TCIRG1: variants seen among roughly 807,000 people sequenced by gnomAD.
The protein encoded by TCIRG1 is T cell immune regulator 1, ATPase H+ transporting V0 subunit a3.
TCIRG1 carries 86 observed loss-of-function variants against 95.5 expected under a neutral mutation model. The observed-to-expected ratio is 0.90, with a 90% CI of 0.76 to 1.08. TCIRG1 has a LOEUF of 1.08. TCIRG1 is among the 50% of genes least tolerant of loss of function. The pLI is 0.00. For synonymous variants in TCIRG1, 499 were observed against 501.3 expected, an observed-to-expected ratio of 1.00 and a Z score of 0.06; for missense variants, 1,069 against 1,140.2, an observed-to-expected ratio of 0.94 and a Z score of 0.90.
At chr11:68,043,945 G>T in intron 8 of TCIRG1, 38 bp downstream of exon 8, 1 of 1,496,382 alleles carries the variant, frequency 6.7e-7, no homozygotes, top group Non-Finnish European at 9.0e-7. Context: ...GGTGTAGGAG[G>T]TGGGTGCCCC....
chr11:68,044,342 TCG>T lies in TCIRG1; in HGVS notation c.1019_1020del (p.Ser340TyrfsTer149). 1 of 1,579,158 alleles carries T rather than the reference TCG, an allele frequency of 6.3e-7. No individual in the cohort carries two copies. The highest frequency in any genetic ancestry group is 2.3e-5 in the East Asian group (1 of 43,538). Reference sequence around the variant, plus strand: ...CCTGCAGGAGGCCCTGCGGGACAGCTCGGTGAGCAGCCTGAGGCCTCGCCCCC... The same window carrying T: ...CCTGCAGGAGGCCCTGCGGGACAGCTGTGAGCAGCCTGAGGCCTCGCCCCC... ...PALQEALRDS[S>X]MEEGVSAVAH... On this transcript the variant is annotated frameshift_variant and splice_region_variant, in exon 9 of 20. Transcript: ENST00000265686. LOFTEE classifies it high-confidence loss of function.
In TCIRG1 at chr11:68,045,099, C is replaced by T. The variant is rs746538370; in HGVS notation, c.1162C>T (p.Pro388Ser). Reference protein sequence around the residue: ...YGVGRYQEVNPAPYTIITFPF... With the variant: ...YGVGRYQEVNSAPYTIITFPF... ...CGTGGGCCGCTACCAGGAGGTCAAC[C>T]CCGGTGAGAGCCACGGCATCCTTAC... The change falls in exon 10 of 20, where the codon CCC becomes TCC. Residue 388 changes from proline to serine, a missense_variant. Physicochemically the swap from Pro to Ser is moderately conservative, Grantham distance 74. Coordinates refer to ENST00000265686, the MANE Select transcript of TCIRG1 (RefSeq NM_006019.4). 2.5e-6 allele frequency: 4 copies of T among 1,600,986 alleles called. No individual in the cohort carries two copies. Among genetic ancestry groups the T allele is most frequent in the Admixed American group, 1.7e-5 (1 of 60,028 alleles).
chr11:68,043,529 G>T (rs1461837013), intron 6 of TCIRG1, 32 bp downstream of exon 6: 2 of 1,587,982 alleles, frequency 1.3e-6, no homozygotes, highest in East Asian at 4.6e-5. Context: ...GGGGGGTCCT[G>T]GGCAGAGCGG....
chr11:68,045,821 A>C (rs1467404057), intron 10 of TCIRG1, among the ~76,000 whole-genome samples: 1 of 152,148 alleles, frequency 6.6e-6, no homozygotes, highest in African/African-American at 2.4e-5. Flanking sequence ...TGGGGGCCCA[A>C]GCACCCTGAC....
chr11:68,043,193 C>A, intron 5 of TCIRG1, 162 bp downstream of exon 5: 1 of 1,493,048 alleles, frequency 6.7e-7, no homozygotes, highest in Non-Finnish European at 8.9e-7. Context: ...CAAGCCCTAG[C>A]CCTAGGGGGT....
Position 68,049,879 on chromosome 11 carries a change from T to C in TCIRG1, c.2014-83T>C. 5 of 1,557,876 alleles carry C rather than the reference T, an allele frequency of 3.2e-6. No homozygotes were observed. The South Asian group carries it at 4.7e-5, about 15-fold the overall frequency. ...GACTCCTCGCTTCCTGACAGACTCC[T>C]GAGTGGCCAGGAGCAGGCCTGGCGG... On this transcript the variant is annotated intron_variant, in intron 16 of 19. Transcript: ENST00000265686.
chr11:68,039,898 C>T (rs547094874), intron 1 of TCIRG1: 211 of 152,446 alleles, frequency 1.4e-3, no homozygotes, highest in Non-Finnish European at 2.1e-3. Context: ...TGACCCCTCC[C>T]CAGATCCCCA....
chr11:68,046,849 A>G (rs1049212774), intron 10 of TCIRG1: 8 of 456,116 alleles, frequency 1.8e-5, no homozygotes, highest in Admixed American at 7.1e-5. Context: ...CAACAGCTGA[A>G]GCTGCTAACT....
chr11:68,044,639 G>A (rs928374948), intron 9 of TCIRG1, among the ~76,000 whole-genome samples: 11 of 152,204 alleles, frequency 7.2e-5, no homozygotes, highest in Admixed American at 3.3e-4. Context: ...CATGGTCTGT[G>A]GAACCGGTGT....
At chr11:68,048,103 A>G in intron 13 of TCIRG1, 131 bp downstream of exon 13, 1 of 845,798 alleles carries the variant, frequency 1.2e-6, no homozygotes, top group East Asian at 2.6e-5. Flanking sequence ...TCCTCAGCAC[A>G]AGAGGCAGAC....
In TCIRG1 at chr11:68,043,379, C is replaced by A. The variant is rs1008224466; in HGVS notation, c.512C>A (p.Ala171Glu). The A allele has an allele frequency of 1.3e-6, 2 of 1,539,694 alleles. No individual in the cohort carries two copies. The highest frequency in any genetic ancestry group is 1.7e-6 in the Non-Finnish European group (2 of 1,146,430). Residue 171 changes from alanine to glutamate, a missense_variant, in exon 6 of 20, where the codon GCA (alanine) becomes GAA (glutamate). Transcript: ENST00000265686. ...AGCCCCGTGGCCGCCAGCTTTGTGGCAGGTGCCGTGGAGCCCCACAAGGCC... is the reference window on the plus strand; with the variant it reads ...AGCCCCGTGGCCGCCAGCTTTGTGGAAGGTGCCGTGGAGCCCCACAAGGCC... ...PHQDLRVNFVAGAVEPHKAPA... is the reference protein window; with the variant it reads ...PHQDLRVNFVEGAVEPHKAPA...
chr11:68,043,154 T>C, intron 5 of TCIRG1, 123 bp downstream of exon 5: 1 of 1,527,192 alleles, frequency 6.5e-7, no homozygotes, highest in Non-Finnish European at 8.8e-7. Flanking sequence ...CCCCGCCTCC[T>C]CCTTCAGGCC....
chr11:68,045,283 C>T (rs576931939), intron 10 of TCIRG1, among the ~76,000 whole-genome samples, 181 bp downstream of exon 10: 4 of 152,378 alleles, frequency 2.6e-5, no homozygotes, highest in Admixed American at 6.5e-5. Context: ...GGCTTTATGT[C>T]GGCCCCCAGC....
chr11:68,045,636 C>A (rs368456135), intron 10 of TCIRG1, among the ~76,000 whole-genome samples: 1 of 151,972 alleles, frequency 6.6e-6, no homozygotes, highest in East Asian at 1.9e-4. Flanking sequence ...TCACTGAAAC[C>A]TCCGCCTCCC....
chr11:68,046,774 G>A (rs934995004), intron 10 of TCIRG1, among the ~76,000 whole-genome samples: 2 of 152,140 alleles, frequency 1.3e-5, no homozygotes, highest in Non-Finnish European at 2.9e-5. Context: ...AACTTGCCAT[G>A]TGCCAGCTGG....
chr11:68,044,204 G>T lies in TCIRG1; in HGVS notation c.880G>T (p.Val294Leu), dbSNP rs1337694224. The change falls in exon 9 of 20, where the codon GTG becomes TTG. Residue 294 changes from valine (V) to leucine (L), a missense_variant. By Grantham distance (32) the Val-to-Leu change is conservative (BLOSUM62 1). Coordinates refer to ENST00000265686, the MANE Select transcript of TCIRG1 (RefSeq NM_006019.4). ...RVLQLLPPGQ[V>L]QVHKMKAVYL... ...GCTGCAGCTGCTGCCGCCAGGGCAG[G>T]TGCAGGTCCACAAGATGAAGGCCGT... is the stretch of plus-strand genomic sequence containing the variant. 5 of 1,565,370 alleles carry T rather than the reference G, an allele frequency of 3.2e-6. No individual in the cohort carries two copies. The highest frequency in any genetic ancestry group is 3.8e-5 in the Admixed American group (2 of 52,180).
chr11:68,044,079 C>G, intron 8 of TCIRG1, 53 bp from the exon 9 acceptor site: 1 of 1,502,298 alleles, frequency 6.7e-7, no homozygotes, highest in Non-Finnish European at 9.0e-7. Flanking sequence ...TGCCCCCGGC[C>G]CAGCCACCCC....
rs1387903645 is a variant in TCIRG1 at position 68,043,630 on chromosome 11, GA to G, written c.692del (p.Lys231ArgfsTer48). The G allele has an allele frequency of 6.2e-7, 1 of 1,610,944 alleles. No individual in the cohort carries two copies. Among genetic ancestry groups the G allele is most frequent in the East Asian group, 2.2e-5 (1 of 44,804 alleles). On this transcript the variant is annotated frameshift_variant, in exon 7 of 20. Transcript: ENST00000265686. LOFTEE classifies it high-confidence loss of function. ...ISYWGEQIGQ[K>X]IRKITDCFHC... ...CCTACTGGGGTGAGCAGATCGGACA[GA>G]AGATCCGCAAGATCACGGACTGGTG...
At chr11:68,051,545 A>G (rs1451912424), downstream of TCIRG1, among the ~76,000 whole-genome samples, 1 of 152,242 alleles carries the variant, frequency 6.6e-6, no homozygotes, top group Non-Finnish European at 1.5e-5. Context: ...AGTGCTTCCC[A>G]GAAGCCAACA....
Sources: allele counts gnomAD v4.1 joint callset (sites outside exome capture counted in the v4.1 genomes callset), GRCh38; gene constraint gnomAD v4.1.1; transcripts MANE v1.5; gene names NCBI Gene and HGNC (gene_info 2026-07-23, HGNC 2026-07-21).